The following DPH7 variants were observed in gnomAD, a reference collection of about 807,000 sequenced individuals.
DPH7 encodes diphthine methyltransferase.
In DPH7, 44 loss-of-function variants were observed where a neutral mutation model predicts 41.7. That is an observed-to-expected ratio of 1.05 (90% confidence interval 0.83 to 1.36). DPH7 has a LOEUF of 1.36. DPH7 is among the 40% of genes most tolerant of loss of function. The probability of loss-of-function intolerance (pLI) is 0.00; values close to 1 mark genes in which losing one functional copy is unlikely to be tolerated. For missense variants in DPH7, 629 were observed against 577.5 expected (o/e 1.09, Z -0.91); for synonymous variants, 275 against 238.0 (o/e 1.16, Z -1.43).
chr9:137,557,785 C>G (rs538535898), intron 8 of DPH7, among the ~76,000 whole-genome samples: 2 of 152,196 alleles, frequency 1.3e-5, no homozygotes, highest in South Asian at 4.1e-4. Context: ...CCCCACTGCA[C>G]TCCAGCCTGG....
intron 2 of DPH7, 87 bp from the exon 3 acceptor site, chr9:137,576,254 C>T (rs1276971512): frequency 4.9e-6 from 6 of 1,220,882 alleles, no homozygotes; most frequent in Non-Finnish European, 6.0e-6. Context: ...TCACGCTTCC[C>T]TTAACAACGG....
chr9:137,576,129 A>C lies in DPH7; in HGVS notation c.326T>G (p.Leu109Trp). Residue 109 changes from leucine (L) to tryptophan (W), a missense_variant, in exon 3 of 9, where the codon TTG becomes TGG. Coordinates refer to ENST00000277540, the MANE Select transcript of DPH7 (RefSeq NM_138778.5). Reference protein sequence around the residue: ...IPVAGHALLGLADASGSIQLL... With the variant: ...IPVAGHALLGWADASGSIQLL... ...TTGTATGGATCCACTGGCATCTGCCAAGCCCAAGAGGGCATGTCCAGCCAC... is the reference window on the plus strand; with the variant it reads ...TTGTATGGATCCACTGGCATCTGCCCAGCCCAAGAGGGCATGTCCAGCCAC... 1.2e-6 allele frequency: 2 copies of C among 1,613,900 alleles called. No individual in the cohort carries two copies. The highest frequency in any genetic ancestry group is 1.7e-6 in the Non-Finnish European group (2 of 1,180,030).
intron 5 of DPH7, among the ~76,000 whole-genome samples, chr9:137,572,095 C>T (rs896771089): frequency 3.9e-5 from 6 of 152,164 alleles, no homozygotes; most frequent in African/African-American, 1.4e-4. Context: ...GTGCTCGTCA[C>T]TCGGACAAGC....
Position 137,557,459 on chromosome 9 carries a change from C to G in DPH7, c.950-1811G>C, listed in dbSNP as rs2488596. On this transcript the variant is annotated intron_variant, in intron 8 of 8. Coordinates refer to ENST00000277540, the MANE Select transcript of DPH7 (RefSeq NM_138778.5). ...AGGTGGAGGTTGCATGAGCCAAGAT[C>G]GTGCCACTGCACTCCAGCCTGGGTG... 5.8e-3 allele frequency among the ~76,000 whole-genome samples: 875 copies of G among 151,882 alleles called. 8 individuals carry two copies. Among genetic ancestry groups the G allele is most frequent in the African/African-American group, 0.02 (819 of 41,358 alleles).
intron 4 of DPH7, 28 bp from the exon 5 acceptor site, chr9:137,574,408 C>A (rs552349834): frequency 1.2e-6 from 2 of 1,605,116 alleles, no homozygotes; most frequent in East Asian, 4.5e-5. Context: ...ATGAAGAAGC[C>A]CGGCAGAATG....
At chr9:137,569,042 G>A (rs948449529) in intron 5 of DPH7, among the ~76,000 whole-genome samples, 6 of 152,118 alleles carry the variant, frequency 3.9e-5, no homozygotes, top group African/African-American at 1.4e-4. Flanking sequence ...TGGGAGAAGA[G>A]AGGAGTTGGT....
intron 3 of DPH7, 109 bp downstream of exon 3, chr9:137,575,971 C>T: frequency 6.4e-7 from 1 of 1,567,998 alleles, no homozygotes; most frequent in Non-Finnish European, 8.6e-7. Context: ...ATATAGCTCA[C>T]CATTGAAGAG....
At position 137,578,906 on chromosome 9, in the gene DPH7, G is replaced by C; in HGVS notation, c.-129C>G. 1 of 1,034,710 alleles carries C rather than the reference G, an allele frequency of 9.7e-7. No individual in the cohort carries two copies. The highest frequency in any genetic ancestry group is 1.2e-6 in the Non-Finnish European group (1 of 800,192). The allele number at this position is 1,034,710 out of a possible 1,614,324, so 64.1% of individuals were successfully genotyped here. On this transcript the variant is annotated 5_prime_UTR_variant, in exon 1 of 9. Transcript: ENST00000277540. ...AGAGCCCCAGGGACACCGTCAGCGC[G>C]GGCCGCCTCTCTCGCGACTCCTTCC...
chr9:137,558,980 T>C (rs1306156762), intron 8 of DPH7, among the ~76,000 whole-genome samples: 2 of 152,058 alleles, frequency 1.3e-5, no homozygotes, highest in African/African-American at 2.4e-5. Context: ...TACCACTAAA[T>C]TGTGGGCGGC....
intron 1 of DPH7, chr9:137,577,970 A>G (rs1841720079): frequency 1.0e-6 from 1 of 985,208 alleles, no homozygotes; most frequent in Non-Finnish European, 1.2e-6. Flanking sequence ...TTTACTGTAC[A>G]TTCCACCCAT....
chr9:137,577,596 A>G lies in DPH7; in HGVS notation c.161T>C (p.Met54Thr), dbSNP rs960354903. 6.2e-7 allele frequency: 1 copy of G among 1,613,304 alleles called. No homozygotes were observed. Among genetic ancestry groups the G allele is most frequent in the African/African-American group, 1.3e-5 (1 of 74,904 alleles). ...RPAGPQNKGG[M>T]EVKEPQVRLG... ...ACGGACCTGAGGCTCCTTAACTTCC[A>G]TTCCACCCTACAAAAAATGCAGAGG... is the stretch of plus-strand genomic sequence containing the variant. Residue 54 changes from methionine to threonine, a missense_variant, in exon 2 of 9, where the codon ATG (methionine) becomes ACG (threonine). Coordinates refer to ENST00000277540, the MANE Select transcript of DPH7 (RefSeq NM_138778.5).
chr9:137,559,539 AGTGGTCAC>A (rs1838148544), intron 8 of DPH7, among the ~76,000 whole-genome samples: 1 of 152,220 alleles, frequency 6.6e-6, no homozygotes, highest in African/African-American at 2.4e-5. Flanking sequence ...GCTGTGCTTC[AGTGGTCAC>A]GCTCCTTGTC....
Position 137,555,280 on chromosome 9 carries a change from A to G in DPH7, c.1318T>C (p.Tyr440His), listed in dbSNP as rs1837263496. 1.2e-6 allele frequency: 2 copies of G among 1,613,314 alleles called. No homozygotes were observed. The highest frequency in any genetic ancestry group is 1.7e-6 in the Non-Finnish European group (2 of 1,179,616). ...AFSLLATCSF[Y>H]DHALHLWEWE... ...TCCCAGAGGTGGAGCGCATGGTCAT[A>G]GAAGGAGCAGGTGGCCAGGAGGCTG... is the stretch of plus-strand genomic sequence containing the variant. Residue 440 changes from tyrosine to histidine, a missense_variant, in exon 9 of 9, where the codon TAT becomes CAT. By Grantham distance (83) the Tyr-to-His change is moderately conservative. Coordinates refer to ENST00000277540, the MANE Select transcript of DPH7 (RefSeq NM_138778.5).
intron 3 of DPH7, 59 bp downstream of exon 3, chr9:137,576,021 T>A: frequency 1.2e-6 from 2 of 1,606,652 alleles, no homozygotes. Context: ...CACAGCCTCC[T>A]CCCCAACCCT....
At chr9:137,560,400 T>C (rs1195310540) in intron 8 of DPH7, among the ~76,000 whole-genome samples, 1 of 152,098 alleles carries the variant, frequency 6.6e-6, no homozygotes, top group Non-Finnish European at 1.5e-5. Context: ...AATGCTGTGT[T>C]CTGAGTAGGA....
chr9:137,577,333 G>C, intron 2 of DPH7, 137 bp downstream of exon 2: 1 of 867,242 alleles, frequency 1.2e-6, no homozygotes, highest in Non-Finnish European at 1.8e-6. Flanking sequence ...TCCCCAGGTG[G>C]AAGATAGGCG....
At chr9:137,574,429 G>T in intron 4 of DPH7, 49 bp from the exon 5 acceptor site, 18 of 1,591,452 alleles carry the variant, frequency 1.1e-5, no homozygotes, top group Non-Finnish European at 1.5e-5. Flanking sequence ...TTATTCGTCA[G>T]CCTCTTCTGG....
chr9:137,574,495 C>T (rs1169592520), intron 4 of DPH7, 115 bp from the exon 5 acceptor site: 17 of 1,115,908 alleles, frequency 1.5e-5, no homozygotes, highest in Non-Finnish European at 1.3e-5. Context: ...GGATATGCCC[C>T]TTAAGAGACT....
Position 137,578,751 on chromosome 9 carries a change from C to G in DPH7, c.27G>C (p.Thr9=). The change falls in exon 1 of 9, where the codon ACG becomes ACC. Residue 9 remains threonine, a synonymous_variant. Transcript: ENST00000277540. The part of the protein sequence containing the change: MMGCFALQ[T]VDTELTADSV... Reference sequence around the variant, plus strand: ...AGTCCGCGGTCAGCTCGGTGTCCACCGTTTGCAGGGCGAAACAGCCCATCA... The same window carrying G: ...AGTCCGCGGTCAGCTCGGTGTCCACGGTTTGCAGGGCGAAACAGCCCATCA... 7.2e-6 allele frequency: 11 copies of G among 1,521,184 alleles called. No individual in the cohort carries two copies. Among genetic ancestry groups the G allele is most frequent in the Non-Finnish European group, 8.8e-6 (10 of 1,136,472 alleles). 94.2% of individuals were successfully genotyped at this position (1,521,184 alleles called of 1,614,324 possible).
Sources: allele counts gnomAD v4.1 joint callset (sites outside exome capture counted in the v4.1 genomes callset), GRCh38; gene constraint gnomAD v4.1.1; transcripts MANE v1.5; gene names NCBI Gene and HGNC (gene_info 2026-07-23, HGNC 2026-07-21).